The following PITRM1 variants were observed in gnomAD, a reference collection of about 807,000 sequenced individuals.
The protein encoded by PITRM1 is presequence protease, mitochondrial.
Under a neutral mutation model 129.9 loss-of-function variants are expected in PITRM1, and 100 were observed. The ratio of observed to expected loss-of-function variants is 0.77; its 90% CI spans 0.65 to 0.91. The LOEUF (loss-of-function observed/expected upper bound fraction) is 0.91, where lower values mean the gene tolerates loss of function less well. Ranked by LOEUF, PITRM1 falls within the 40% of genes least tolerant of loss-of-function variation. The pLI is 0.00. For missense variants in PITRM1, 1,471 were observed against 1,318.3 expected, an observed-to-expected ratio of 1.12 and a Z score of -1.79; for synonymous variants, 591 against 508.8, an observed-to-expected ratio of 1.16 and a Z score of -2.17.
At chr10:3,150,156 C>T (rs1739576922) in intron 15 of PITRM1, among the ~76,000 whole-genome samples, 2 of 152,108 alleles carry the variant, frequency 1.3e-5, no homozygotes, top group South Asian at 4.2e-4. Flanking sequence ...AGAAGGCTGC[C>T]CCAGGGCCCC....
chr10:3,143,358 G>T, intron 23 of PITRM1, 31 bp downstream of exon 23: 1 of 1,354,928 alleles, frequency 7.4e-7, no homozygotes, highest in Non-Finnish European at 1.1e-6. Flanking sequence ...TAAGGCTCAG[G>T]CCTGAGAGGT....
intron 4 of PITRM1, 86 bp downstream of exon 4, chr10:3,166,143 C>T (rs1842840618): frequency 1.7e-6 from 2 of 1,199,202 alleles, no homozygotes; most frequent in South Asian, 1.7e-5. Context: ...GCCCACTCCC[C>T]TCATTCCTTC....
Position 3,148,010 on chromosome 10 carries a change from C to G in PITRM1, c.2046G>C (p.Gln682His). The change falls in exon 18 of 27, where the codon CAG becomes CAC. Residue 682 changes from glutamine (Q) to histidine (H), a missense_variant. Physicochemically the swap from Gln to His is conservative, Grantham distance 24 (BLOSUM62 0). Coordinates refer to ENST00000224949, the MANE Select transcript of PITRM1 (RefSeq NM_014889.4). ...ACTTGTTAAATATTTCACTCCATAG[C>G]TGCATCATGTCTGGCAGGTTTCGAT... ...CLDRNLPDMM[Q>H]LWSEIFNNPC... 1 of 1,612,970 alleles carries G rather than the reference C, an allele frequency of 6.2e-7. No homozygotes were observed. The highest frequency in any genetic ancestry group is 8.5e-7 in the Non-Finnish European group (1 of 1,178,914).
At position 3,138,318 on chromosome 10, in the gene PITRM1, G is replaced by A. The variant is rs368623431; in HGVS notation, c.2937C>T (p.Tyr979=). The A allele has an allele frequency of 2.7e-5, 44 of 1,612,832 alleles. No homozygotes were observed. The highest frequency in any genetic ancestry group is 1.7e-4 in the Middle Eastern group (1 of 6,054). ...CCTGCTTCATCTCATCCGAGAGGCC[G>A]TACAAGAAGTGGTCCATTCCTAGAA... ...PSDKGMDHFL[Y]GLSDEMKQAH... Residue 979 remains tyrosine (Y), a synonymous_variant, in exon 26 of 27, where the codon TAC becomes TAT. Transcript: ENST00000224949.
intron 14 of PITRM1, among the ~76,000 whole-genome samples, chr10:3,153,479 C>T (rs1286784378): frequency 6.6e-6 from 1 of 151,890 alleles, no homozygotes; most frequent in Non-Finnish European, 1.5e-5. Context: ...ATCAGCTGGG[C>T]GTGGTGGTGG....
chr10:3,155,851 T>C lies in PITRM1; in HGVS notation c.1483-122A>G, dbSNP rs137946087. The C allele has an allele frequency of 5.1e-5, 56 of 1,101,902 alleles. No individual in the cohort carries two copies. In the African/African-American group the frequency reaches 5.4e-4, roughly 11 times the overall value. The allele number at this position is 1,101,902 out of a possible 1,614,324, so 68.3% of individuals were successfully genotyped here. On this transcript the variant is annotated intron_variant, in intron 13 of 26. Transcript: ENST00000224949. ...TGGTTCCACTTTCCCACTTTAAAAA[T>C]AGTAATAATAGAACGCACCTCAAGA...
chr10:3,138,973 G>A lies in PITRM1; in HGVS notation c.2848C>T (p.Gln950Ter), dbSNP rs1422999119. The A allele has an allele frequency of 3.7e-6, 6 of 1,613,768 alleles. No individual in the cohort carries two copies. Among genetic ancestry groups the A allele is most frequent in the Non-Finnish European group, 5.1e-6 (6 of 1,179,636 alleles). Residue 950 changes from glutamine to a stop codon, truncating the protein, a stop_gained, in exon 25 of 27, where the codon CAA becomes TAA. Coordinates refer to ENST00000224949, the MANE Select transcript of PITRM1 (RefSeq NM_014889.4). LOFTEE classifies it high-confidence loss of function. ...DWAKSGKFTQQDIDEAKLSVF... is the reference protein window; with the variant it reads ...DWAKSGKFTQ ...GAAAGTTTGGCTTCGTCGATGTCTT[G>A]CTGTGTGAATTTTCCAGACTTAGCC...
intron 20 of PITRM1, chr10:3,146,942 CA>C: frequency 2.6e-6 from 1 of 379,064 alleles, no homozygotes; most frequent in Non-Finnish European, 4.8e-6. Context: ...ACTTCTAGCA[CA>C]AAATTAGCCT....
intron 23 of PITRM1, 134 bp from the exon 24 acceptor site, chr10:3,140,946 GGT>G: frequency 1.2e-6 from 1 of 850,470 alleles, no homozygotes; most frequent in Non-Finnish European, 1.8e-6. Flanking sequence ...CCCATATTTT[GGT>G]CTTGTTTTTT....
intron 22 of PITRM1, 134 bp from the exon 23 acceptor site, chr10:3,143,635 CAG>C: frequency 2.8e-6 from 2 of 724,344 alleles, no homozygotes; most frequent in Non-Finnish European, 5.1e-6. Flanking sequence ...GGAGCCATCT[CAG>C]GGGTCCCATC....
intron 22 of PITRM1, 129 bp from the exon 23 acceptor site, chr10:3,143,630 C>CCTGAG: frequency 1.4e-6 from 1 of 728,866 alleles, no homozygotes; most frequent in Non-Finnish European, 2.5e-6. Flanking sequence ...GGACTGGAGC[C>CCTGAG]ATCTCAGGGG....
At chr10:3,159,690 CT>C (rs1477025032) in intron 9 of PITRM1, among the ~76,000 whole-genome samples, 157 bp downstream of exon 9, 2 of 152,218 alleles carry the variant, frequency 1.3e-5, no homozygotes, top group East Asian at 3.8e-4. Context: ...TTATTAAAAA[CT>C]TCGACATTTT....
At chr10:3,166,736 A>G (rs1045398508) in intron 3 of PITRM1, among the ~76,000 whole-genome samples, 200 bp downstream of exon 3, 1 of 152,172 alleles carries the variant, frequency 6.6e-6, no homozygotes, top group African/African-American at 2.4e-5. Flanking sequence ...CCCAACACAA[A>G]TTCATACACT....
At chr10:3,140,961 G>A in intron 23 of PITRM1, 149 bp from the exon 24 acceptor site, 1 of 725,530 alleles carries the variant, frequency 1.4e-6, no homozygotes, top group East Asian at 2.7e-5. Flanking sequence ...TGTTTTTTAA[G>A]AGATGGGGTC....
chr10:3,155,732 G>T lies in PITRM1; in HGVS notation c.1483-3C>A. 6.2e-7 allele frequency: 1 copy of T among 1,613,458 alleles called. No individual in the cohort carries two copies. Among genetic ancestry groups the T allele is most frequent in the Non-Finnish European group, 8.5e-7 (1 of 1,179,788 alleles). Reference sequence around the variant, plus strand: ...AAAGTCAGCTTATGCTGGTTATTCTGCAGCAATCACAGCAACAACAAAAGC... The same window carrying T: ...AAAGTCAGCTTATGCTGGTTATTCTTCAGCAATCACAGCAACAACAAAAGC... On this transcript the variant is annotated splice_region_variant and splice_polypyrimidine_tract_variant and intron_variant, in intron 13 of 26. Transcript: ENST00000224949.
intron 1 of PITRM1, among the ~76,000 whole-genome samples, chr10:3,171,338 T>TAAAAAA (rs71383153): frequency 4.2e-5 from 6 of 142,470 alleles, no homozygotes; most frequent in African/African-American, 1.6e-4. Flanking sequence ...GGTAAAATAT[T>TAAAAAA]AAAAAAAAAA....
In PITRM1 at chr10:3,139,064, GA is replaced by G; in HGVS notation, c.2772-16del. On this transcript the variant is annotated splice_polypyrimidine_tract_variant and intron_variant, in intron 24 of 26. Coordinates refer to ENST00000224949, the MANE Select transcript of PITRM1 (RefSeq NM_014889.4). ...TATTTGGGTCCCTAGGAAACCCAGA[GA>G]AATAAACGGGCAAGCATTTTACCAG... 2 of 1,611,450 alleles carry G rather than the reference GA, an allele frequency of 1.2e-6. No individual in the cohort carries two copies. The highest frequency in any genetic ancestry group is 1.7e-6 in the Non-Finnish European group (2 of 1,178,772).
intron 18 of PITRM1, 47 bp from the exon 19 acceptor site, chr10:3,147,784 G>T: frequency 1.3e-6 from 2 of 1,491,944 alleles, no homozygotes; most frequent in Non-Finnish European, 1.8e-6. Flanking sequence ...CATTCCTCAC[G>T]TCCCTTCAGT....
chr10:3,161,725 A>G (rs1842456026), intron 7 of PITRM1, among the ~76,000 whole-genome samples: 2 of 152,150 alleles, frequency 1.3e-5, no homozygotes, highest in Non-Finnish European at 2.9e-5. Flanking sequence ...AAACGGGCCC[A>G]CAGCTGGGGC....
Sources: gnomAD v4.1 joint callset for allele counts (sites outside exome capture counted in the v4.1 genomes callset) on GRCh38, gnomAD v4.1.1 for gene constraint, MANE v1.5 for transcripts, NCBI Gene and HGNC (gene_info 2026-07-23, HGNC 2026-07-21) for gene names.